The following COL12A1 variants were observed in gnomAD, a reference collection of about 807,000 sequenced individuals.
COL12A1 encodes the protein collagen type XII alpha 1 chain.
A neutral mutation model predicts 349.7 loss-of-function variants in COL12A1; 114 were observed. That is an observed-to-expected ratio of 0.33 (90% confidence interval 0.28 to 0.38). COL12A1 has a LOEUF of 0.38. COL12A1 is among the 10% of genes least tolerant of loss of function. The pLI is 1.00. For missense variants in COL12A1, 3,284 were observed against 3,756.9 expected, an observed-to-expected ratio of 0.87 and a Z score of 3.29; for synonymous variants, 1,369 against 1,329.0, an observed-to-expected ratio of 1.03 and a Z score of -0.66.
chr6:75,178,171 T>G (rs185029527), intron 11 of COL12A1, among the ~76,000 whole-genome samples: 2 of 152,330 alleles, frequency 1.3e-5, no homozygotes, highest in Admixed American at 1.3e-4. Flanking sequence ...GTTAATTTTT[T>G]AATTACATAA....
At chr6:75,109,253 A>G in intron 51 of COL12A1, 86 bp from the exon 52 acceptor site, 2 of 950,936 alleles carry the variant, frequency 2.1e-6, no homozygotes, top group Non-Finnish European at 3.0e-6. Flanking sequence ...ATTTTTTTGA[A>G]GTTTTTTAAG....
chr6:75,149,616 T>C (rs1439606559), intron 21 of COL12A1, among the ~76,000 whole-genome samples: 1 of 152,048 alleles, frequency 6.6e-6, no homozygotes, highest in Non-Finnish European at 1.5e-5. Context: ...CAAATAATAA[T>C]TAAAAGAGAA....
intron 44 of COL12A1, among the ~76,000 whole-genome samples, chr6:75,120,353 G>A (rs1176928510): frequency 1.3e-5 from 2 of 152,126 alleles, no homozygotes; most frequent in East Asian, 1.9e-4. Flanking sequence ...GACAAGTTTT[G>A]TTGATGAAAT....
chr6:75,181,331 A>G lies in COL12A1; in HGVS notation c.1892-120T>C, dbSNP rs973387417. The G allele has an allele frequency of 1.4e-5, 13 of 927,358 alleles. No homozygotes were observed. The African/African-American group carries it at 1.8e-4, about 13-fold the overall frequency. The allele number at this position is 927,358 out of a possible 1,614,324, so 57.4% of individuals were successfully genotyped here. A position where few individuals can be genotyped will look rare whatever the true frequency, so the allele number is the denominator to read the frequency against. ...ATTTGGGAGAATGGTGCTCATTGAG[A>G]CTACTGTACTGGGTATCTCATCTAC... On this transcript the variant is annotated intron_variant, in intron 10 of 65. Transcript: ENST00000322507.
chr6:75,133,350 C>T lies in COL12A1; in HGVS notation c.5737G>A (p.Val1913Ile), dbSNP rs542263318. 1.9e-5 allele frequency: 31 copies of T among 1,612,760 alleles called. No individual in the cohort carries two copies. In the South Asian group the frequency reaches 3.3e-4, roughly 17 times the overall value. Reference sequence around the variant, plus strand: ...TCACCTTCAGTATAAACGGGAACTACAGTCACAGTGTATGAGGTATCTGGC... The same window carrying T: ...TCACCTTCAGTATAAACGGGAACTATAGTCACAGTGTATGAGGTATCTGGC... Reference protein sequence around the residue: ...LQPDTSYTVTVVPVYTEGDGG... With the variant: ...LQPDTSYTVTIVPVYTEGDGG... Residue 1913 changes from valine (V) to isoleucine (I), a missense_variant, in exon 34 of 66, where the codon GTA becomes ATA. Around this residue, in one of 2 missense-constraint regions of COL12A1, gnomAD observed 2,601 missense variants for 2,824.8 expected, o/e 0.92. Transcript: ENST00000322507.
At position 75,157,673 on chromosome 6, in the gene COL12A1, C is replaced by A. The variant is rs1406328909; in HGVS notation, c.2984-1150G>T. On this transcript the variant is annotated intron_variant, in intron 14 of 65. Coordinates refer to ENST00000322507, the MANE Select transcript of COL12A1 (RefSeq NM_004370.6). ...TGCAAGTCTGGAGAGCCCAAAGCAA[C>A]CAGAACTTGAAGAATAGAGTACTGT... is the stretch of plus-strand genomic sequence containing the variant. Among the ~76,000 whole-genome samples the A allele has an allele frequency of 3.9e-5, 6 of 152,206 alleles. No individual in the cohort carries two copies. In the East Asian group the frequency reaches 1.2e-3, roughly 29 times the overall value.
chr6:75,106,344 T>G lies in COL12A1; in HGVS notation c.8178+75A>C. The G allele has an allele frequency of 3.1e-6, 4 of 1,270,176 alleles. No homozygotes were observed. The South Asian group carries it at 4.9e-5, about 16-fold the overall frequency. The allele number at this position is 1,270,176 out of a possible 1,614,324, so 78.7% of individuals were successfully genotyped here. A position where few individuals can be genotyped will look rare whatever the true frequency, so the allele number is the denominator to read the frequency against. ...GAATATACAACTGTGCAGTGCTACT[T>G]CCTCTCCCAGGCACAAGGGTTTATT... On this transcript the variant is annotated intron_variant, in intron 53 of 65. Transcript: ENST00000322507.
chr6:75,126,560 T>G (rs992224374), intron 38 of COL12A1, 90 bp from the exon 39 acceptor site: 4 of 1,379,730 alleles, frequency 2.9e-6, no homozygotes, highest in Non-Finnish European at 3.9e-6. Context: ...GAAAGCCCAA[T>G]GGGAGCAATT....
chr6:75,138,190 A>G, intron 30 of COL12A1, 130 bp downstream of exon 30: 1 of 996,392 alleles, frequency 1.0e-6, no homozygotes, highest in Middle Eastern at 3.3e-4. Flanking sequence ...GCCTATGTAA[A>G]AGAGTTCTCA....
intron 38 of COL12A1, among the ~76,000 whole-genome samples, chr6:75,127,906 G>C (rs1046616357): frequency 1.3e-5 from 2 of 152,028 alleles, no homozygotes; most frequent in Non-Finnish European, 1.5e-5. Flanking sequence ...TGTATTTATG[G>C]CTTAAGATTC....
In COL12A1 at chr6:75,088,114, G is replaced by A. The variant is rs557925889; in HGVS notation, c.9011-367C>T. Among the ~76,000 whole-genome samples, 64 of 152,296 alleles carry A rather than the reference G, an allele frequency of 4.2e-4. No individual in the cohort carries two copies. In the East Asian group the frequency reaches 7.1e-3, roughly 17 times the overall value. ...TGAGCTGCCATCAAAAGAAGGCAGC[G>A]TCTGCTCCACACCTCCAGCCTATGC... On this transcript the variant is annotated intron_variant, in intron 64 of 65. Transcript: ENST00000322507.
At chr6:75,197,287 T>C (rs1295165008) in intron 2 of COL12A1, among the ~76,000 whole-genome samples, 1 of 150,334 alleles carries the variant, frequency 6.7e-6, no homozygotes, top group African/African-American at 2.4e-5. Context: ...AAGACAATGC[T>C]GATGCTGGAA....
chr6:75,202,486 A>G (rs1770582911), intron 2 of COL12A1, among the ~76,000 whole-genome samples: 1 of 152,310 alleles, frequency 6.6e-6, no homozygotes, highest in East Asian at 1.9e-4. Context: ...CAAGCTCAAG[A>G]AGACCACACA....
chr6:75,166,323 G>T (rs1405728299), intron 13 of COL12A1, among the ~76,000 whole-genome samples: 2 of 152,124 alleles, frequency 1.3e-5, no homozygotes, highest in Non-Finnish European at 2.9e-5. Flanking sequence ...ATTTGCTCAT[G>T]CAGTTTAAAA....
intron 8 of COL12A1, among the ~76,000 whole-genome samples, chr6:75,184,767 G>A (rs240414): frequency 0.88 from 133,490 of 152,212 alleles, 58,871 homozygotes; most frequent in Non-Finnish European, 0.93. Flanking sequence ...ATGCATATCA[G>A]TCCTCTAAAA....
rs773148795 is a variant in COL12A1 at position 75,133,829 on chromosome 6, T to C, written c.5664+29A>G. On this transcript the variant is annotated intron_variant, in intron 33 of 65. Coordinates refer to ENST00000322507, the MANE Select transcript of COL12A1 (RefSeq NM_004370.6). ...TCACTCAGCTACCATTTAAACAAACTAGCATTTTTTACTACAAGAAATAAT... is the reference window on the plus strand; with the variant it reads ...TCACTCAGCTACCATTTAAACAAACCAGCATTTTTTACTACAAGAAATAAT... 3.7e-6 allele frequency: 6 copies of C among 1,612,974 alleles called. No homozygotes were observed. The South Asian group carries it at 6.6e-5, about 18-fold the overall frequency.
chr6:75,088,305 C>A (rs1184116564), intron 64 of COL12A1, among the ~76,000 whole-genome samples: 1 of 152,106 alleles, frequency 6.6e-6, no homozygotes, highest in African/African-American at 2.4e-5. Context: ...GTAGTCCTAT[C>A]CAAAATATAA....
At chr6:75,175,661 C>T (rs1358826796) in intron 12 of COL12A1, among the ~76,000 whole-genome samples, 1 of 152,180 alleles carries the variant, frequency 6.6e-6, no homozygotes, top group Non-Finnish European at 1.5e-5. Context: ...ATTAGTATTA[C>T]AATGCAGATT....
At chr6:75,120,016 A>G (rs980936811) in intron 44 of COL12A1, among the ~76,000 whole-genome samples, 2 of 152,222 alleles carry the variant, frequency 1.3e-5, no homozygotes, top group Non-Finnish European at 2.9e-5. Context: ...GGCATTTAAT[A>G]GCTATGTGAC....
Sources: gnomAD v4.1 joint callset for allele counts (sites outside exome capture counted in the v4.1 genomes callset) on GRCh38, gnomAD v4.1.1 for gene constraint, gnomAD v4.1.1 regional missense constraint, MANE v1.5 for transcripts, NCBI Gene and HGNC (gene_info 2026-07-23, HGNC 2026-07-21) for gene names.